Variants in LIPM observed in about 807,000 individuals in gnomAD.
LIPM encodes the protein lipase member M.
Under a neutral mutation model 42.4 loss-of-function variants are expected in LIPM, and 42 were observed. The ratio of observed to expected loss-of-function variants is 0.99; its 90% CI spans 0.77 to 1.28. The LOEUF is 1.28. Among genes scored for constraint, LIPM ranks in the 50% most tolerant of loss-of-function variants. The pLI, the probability that LIPM is intolerant of heterozygous loss-of-function variation, is 0.00. For synonymous variants in LIPM, 177 were observed against 173.3 expected (o/e 1.02, Z -0.17); for missense variants, 524 against 520.1 (o/e 1.01, Z -0.07).
chr10:88,809,506 A>T (rs1843628351), intron 2 of LIPM, among the ~76,000 whole-genome samples: 1 of 152,196 alleles, frequency 6.6e-6, no homozygotes, highest in Admixed American at 6.5e-5. Context: ...AGATACACTG[A>T]TAAGTGCTTT....
In LIPM at chr10:88,820,354, C is replaced by T. The variant is rs1242871840; in HGVS notation, c.1125C>T (p.Leu375=). 2 of 1,552,216 alleles carry T rather than the reference C, an allele frequency of 1.3e-6. No homozygotes were observed. The highest frequency in any genetic ancestry group is 1.7e-6 in the Non-Finnish European group (2 of 1,147,142). Residue 375 remains leucine (L), a synonymous_variant, in exon 9 of 9, where the codon CTC becomes CTT. Transcript: ENST00000404743. ...VKMLLSEVTN[L]IYHKNIPEWA... is the part of the protein sequence containing the mutation. ...TGCTGCTCTCTGAGGTGACCAACCT[C>T]ATCTACCATAAGAATATTCCTGAAT...
At chr10:88,808,209 C>T (rs1257611138) in intron 1 of LIPM, 89 bp from the exon 2 acceptor site, 3 of 729,060 alleles carry the variant, frequency 4.1e-6, no homozygotes, top group African/African-American at 1.8e-5. Context: ...CTGTGTTTTA[C>T]AGCATCAAGG....
intron 2 of LIPM, among the ~76,000 whole-genome samples, chr10:88,810,423 T>G (rs931823986): frequency 3.3e-5 from 5 of 152,006 alleles, no homozygotes; most frequent in African/African-American, 1.2e-4. Context: ...TCAAGGAATC[T>G]GCCTCCTTGT....
At chr10:88,805,324 A>G (rs1208733253) in intron 1 of LIPM, among the ~76,000 whole-genome samples, 1 of 152,364 alleles carries the variant, frequency 6.6e-6, no homozygotes, top group African/African-American at 2.4e-5. Context: ...TGAAATCTGA[A>G]AGATAAATGG....
Position 88,814,593 on chromosome 10 carries a change from C to T in LIPM, c.528C>T (p.Gly176=), listed in dbSNP as rs1393338622. The change falls in exon 4 of 9, where the codon GGC becomes GGT. Residue 176 remains glycine (G), a synonymous_variant. Transcript: ENST00000404743. ...AVINFILQKT[G]QEKIYYVGYS... is the part of the protein sequence containing the mutation. The stretch of plus-strand genomic sequence containing the variant: ...TAAACTTTATTTTGCAGAAAACGGG[C>T]CAGGAAAAGATCTATTATGTCGGCT... 6 of 1,551,662 alleles carry T rather than the reference C, an allele frequency of 3.9e-6. No homozygotes were observed. In the Admixed American group the frequency reaches 1.2e-4, roughly 30 times the overall value.
chr10:88,803,071 T>C, intron 1 of LIPM, 28 bp downstream of exon 1: 2 of 1,546,424 alleles, frequency 1.3e-6, no homozygotes, highest in African/African-American at 2.7e-5. Flanking sequence ...GGAAATGAGG[T>C]ACTTAACATG....
intron 3 of LIPM, among the ~76,000 whole-genome samples, chr10:88,813,637 TA>T (rs905335656): frequency 4.0e-5 from 6 of 150,040 alleles, no homozygotes; most frequent in African/African-American, 9.8e-5. Context: ...CAGGCAGCAT[TA>T]AAAAAAAAGA....
At chr10:88,807,402 C>T (rs991209686) in intron 1 of LIPM, among the ~76,000 whole-genome samples, 1 of 152,294 alleles carries the variant, frequency 6.6e-6, no homozygotes, top group African/African-American at 2.4e-5. Context: ...TTGGCCTTCT[C>T]TCTTGCTCTT....
Position 88,816,814 on chromosome 10 carries a change from A to T in LIPM, c.859-2A>T. On this transcript the variant is annotated splice_acceptor_variant, in intron 6 of 8. Transcript: ENST00000404743. LOFTEE classifies it high-confidence loss of function. ...CCCCAGAATACTCATGGTTTGTTACAGAGCCGAGCAAGTGTATATGCTGCC... is the reference window on the plus strand; with the variant it reads ...CCCCAGAATACTCATGGTTTGTTACTGAGCCGAGCAAGTGTATATGCTGCC... The T allele has an allele frequency of 1.3e-6, 2 of 1,550,346 alleles. No individual in the cohort carries two copies. Among genetic ancestry groups the T allele is most frequent in the Non-Finnish European group, 1.7e-6 (2 of 1,145,770 alleles).
In LIPM at chr10:88,813,114, T is replaced by G. The variant is rs771307554; in HGVS notation, c.283T>G (p.Leu95Val). 3 of 1,598,168 alleles carry G rather than the reference T, an allele frequency of 1.9e-6. No individual in the cohort carries two copies. Among genetic ancestry groups the G allele is most frequent in the Non-Finnish European group, 8.5e-7 (1 of 1,171,676 alleles). ...PKKTGSRPVV[L>V]LQHGLVGGAS... ...TTTTGCAGGTTCCAGGCCTGTGGTGTTACTGCAGCATGGCCTAGTTGGAGG... is the reference window on the plus strand; with the variant it reads ...TTTTGCAGGTTCCAGGCCTGTGGTGGTACTGCAGCATGGCCTAGTTGGAGG... The change falls in exon 3 of 9, where the codon TTA becomes GTA. Residue 95 changes from leucine to valine, a missense_variant. Transcript: ENST00000404743.
chr10:88,810,878 T>C (rs1843646757), intron 2 of LIPM, among the ~76,000 whole-genome samples: 1 of 152,186 alleles, frequency 6.6e-6, no homozygotes, highest in South Asian at 2.1e-4. Context: ...AAGGGGAGCA[T>C]TGATCACCTT....
chr10:88,806,035 G>A (rs1049621669), intron 1 of LIPM: 11 of 456,000 alleles, frequency 2.4e-5, no homozygotes, highest in South Asian at 4.7e-5. Context: ...AGGAAGGGAC[G>A]TGAACTTGGA....
At chr10:88,808,087 A>G (rs1843609918) in intron 1 of LIPM, among the ~76,000 whole-genome samples, 1 of 152,200 alleles carries the variant, frequency 6.6e-6, no homozygotes, top group African/African-American at 2.4e-5. Context: ...ATACTTTGAG[A>G]ACCATAATTC....
At chr10:88,811,069 G>A (rs765392331) in intron 2 of LIPM, among the ~76,000 whole-genome samples, 1 of 152,150 alleles carries the variant, frequency 6.6e-6, no homozygotes, top group Non-Finnish European at 1.5e-5. Flanking sequence ...ACAAAATGAG[G>A]CAGATGGAAT....
intron 2 of LIPM, 24 bp from the exon 3 acceptor site, chr10:88,813,072 CA>C (rs1212102984): frequency 6.5e-7 from 1 of 1,529,840 alleles, no homozygotes; most frequent in Non-Finnish European, 8.9e-7. Context: ...ACATTTCATA[CA>C]GTTGAAATTT....
In LIPM at chr10:88,820,197, G is replaced by A. The variant is rs117206902; in HGVS notation, c.1003-35G>A. The A allele has an allele frequency of 7.4e-4, 1,105 of 1,500,046 alleles. 16 individuals carry two copies. In the East Asian group the frequency reaches 0.025, roughly 34 times the overall value. The allele number at this position is 1,500,046 out of a possible 1,614,324, so 92.9% of individuals were successfully genotyped here. ...AAATTATGAGCCTGAAAGTCCAAAT[G>A]TTACCTAGAGTTAAGAACTATTCCT... is the stretch of plus-strand genomic sequence containing the variant. On this transcript the variant is annotated intron_variant, in intron 8 of 8. Coordinates refer to ENST00000404743, the MANE Select transcript of LIPM (RefSeq NM_001128215.1).
intron 2 of LIPM, among the ~76,000 whole-genome samples, chr10:88,810,845 C>T (rs533071604): frequency 1.4e-4 from 22 of 152,272 alleles, no homozygotes; most frequent in African/African-American, 5.1e-4. Flanking sequence ...GTGACCTTAA[C>T]CATGGGAAAT....
Position 88,814,975 on chromosome 10 carries a change from G to C in LIPM, c.575-113G>C, listed in dbSNP as rs1267450387. The C allele has an allele frequency of 6.3e-6, 6 of 958,910 alleles. 1 individual carries two copies. The highest frequency in any genetic ancestry group is 9.0e-6 in the Non-Finnish European group (6 of 669,734). 59.4% of individuals were successfully genotyped at this position (958,910 alleles called of 1,614,324 possible). On this transcript the variant is annotated intron_variant, in intron 4 of 8. Coordinates refer to ENST00000404743, the MANE Select transcript of LIPM (RefSeq NM_001128215.1). ...AGGACCTTATAATTTTATAGGAGAGGTAAGATGCAGTCACATATATACTTA... is the reference window on the plus strand; with the variant it reads ...AGGACCTTATAATTTTATAGGAGAGCTAAGATGCAGTCACATATATACTTA...
intron 8 of LIPM, 96 bp from the exon 9 acceptor site, chr10:88,820,136 A>G (rs1843769307): frequency 8.6e-6 from 9 of 1,043,162 alleles, no homozygotes; most frequent in South Asian, 8.2e-5. Flanking sequence ...CCTTCACCAC[A>G]ACAGATGGCA....
Sources: gnomAD v4.1 joint callset for allele counts (sites outside exome capture counted in the v4.1 genomes callset) on GRCh38, gnomAD v4.1.1 for gene constraint, MANE v1.5 for transcripts, NCBI Gene and HGNC (gene_info 2026-07-23, HGNC 2026-07-21) for gene names.